LAMA4: variants seen among roughly 807,000 people sequenced by gnomAD.
The protein encoded by LAMA4 is laminin subunit alpha-4.
LAMA4 carries 127 observed loss-of-function variants against 207.1 expected under a neutral mutation model. The ratio of observed to expected loss-of-function variants is 0.61; its 90% CI spans 0.53 to 0.71. The LOEUF is 0.71. LAMA4 is among the 30% of genes least tolerant of loss of function. LAMA4 has a pLI of 0.00. For missense variants in LAMA4, 2,093 were observed against 2,246.5 expected, an observed-to-expected ratio of 0.93 and a Z score of 1.38; for synonymous variants, 761 against 816.0, an observed-to-expected ratio of 0.93 and a Z score of 1.15.
At chr6:112,140,510 A>C (rs1779627833) in intron 22 of LAMA4, among the ~76,000 whole-genome samples, 1 of 152,194 alleles carries the variant, frequency 6.6e-6, no homozygotes, top group Admixed American at 6.5e-5. Context: ...TTACATATGC[A>C]TGTATCAGAA....
intron 10 of LAMA4, among the ~76,000 whole-genome samples, chr6:112,177,301 C>A (rs1782081067): frequency 6.6e-6 from 1 of 152,188 alleles, no homozygotes; most frequent in South Asian, 2.1e-4. Flanking sequence ...AGTATAAAGA[C>A]ATGAATCTTC....
chr6:112,175,809 C>T (rs549361441), intron 10 of LAMA4, among the ~76,000 whole-genome samples: 5 of 152,292 alleles, frequency 3.3e-5, no homozygotes, highest in East Asian at 3.9e-4. Flanking sequence ...TAATATTTAG[C>T]GTTAAATATT....
chr6:112,145,630 G>A (rs893833156), intron 18 of LAMA4, among the ~76,000 whole-genome samples: 16 of 152,172 alleles, frequency 1.1e-4, no homozygotes, highest in Admixed American at 3.9e-4. Context: ...TCCCTCAAGT[G>A]TTCTTTCAGC....
At chr6:112,151,799 A>G (rs1780419368) in intron 16 of LAMA4, among the ~76,000 whole-genome samples, 1 of 152,042 alleles carries the variant, frequency 6.6e-6, no homozygotes, top group Non-Finnish European at 1.5e-5. Context: ...TATTTTTCAG[A>G]TTATGGAAGT....
intron 12 of LAMA4, among the ~76,000 whole-genome samples, chr6:112,169,075 T>G (rs570500286): frequency 1.3e-5 from 2 of 152,222 alleles, no homozygotes. Flanking sequence ...GGAATTTACC[T>G]TTCTTAAGTA....
At chr6:112,195,631 C>A (rs1414248605) in intron 5 of LAMA4, among the ~76,000 whole-genome samples, 1 of 152,086 alleles carries the variant, frequency 6.6e-6, no homozygotes, top group Non-Finnish European at 1.5e-5. Flanking sequence ...TTTGGATTTG[C>A]TTTAATTTGC....
At position 112,155,585 on chromosome 6, in the gene LAMA4, T is replaced by C. The variant is rs781848455; in HGVS notation, c.1939A>G (p.Thr647Ala). 3 of 1,614,076 alleles carry C rather than the reference T, an allele frequency of 1.9e-6. No individual in the cohort carries two copies. The highest frequency in any genetic ancestry group is 2.5e-6 in the Non-Finnish European group (3 of 1,180,018). ...CTCACATCATAAATTCGGTCAGTGG[T>C]GTTCAAAGCAAATTCTGCTGTTTCA... ...ANETAEFALNTTDRIYDAVSG... is the reference protein window; with the variant it reads ...ANETAEFALNATDRIYDAVSG... Residue 647 changes from threonine (T) to alanine (A), a missense_variant, in exon 15 of 39, where the codon ACC becomes GCC. Coordinates refer to ENST00000230538, the MANE Select transcript of LAMA4 (RefSeq NM_001105206.3).
chr6:112,129,475 T>G (rs1400596414), intron 30 of LAMA4, among the ~76,000 whole-genome samples: 1 of 152,202 alleles, frequency 6.6e-6, no homozygotes, highest in Non-Finnish European at 1.5e-5. Context: ...ATTAAGAGTT[T>G]TGTAAACCTC....
At chr6:112,120,252 C>T (rs376880858) in intron 33 of LAMA4, 31 bp downstream of exon 33, 3 of 1,575,024 alleles carry the variant, frequency 1.9e-6, no homozygotes, top group African/African-American at 2.7e-5. Context: ...TAGCTATTTG[C>T]TGGTAATGCT....
intron 2 of LAMA4, among the ~76,000 whole-genome samples, chr6:112,249,314 G>A (rs1408483178): frequency 6.6e-6 from 1 of 151,784 alleles, no homozygotes; most frequent in African/African-American, 2.4e-5. Context: ...GTTGTGGCAT[G>A]TGCCTGTAAT....
At chr6:112,147,464 C>T (rs1043966448) in intron 18 of LAMA4, among the ~76,000 whole-genome samples, 1 of 151,996 alleles carries the variant, frequency 6.6e-6, no homozygotes, top group Admixed American at 6.5e-5. Flanking sequence ...TATTGGAGAA[C>T]AAAAAGTTCT....
At chr6:112,174,596 G>T (rs781986886) in intron 11 of LAMA4, among the ~76,000 whole-genome samples, 3 of 152,168 alleles carry the variant, frequency 2.0e-5, no homozygotes, top group African/African-American at 7.2e-5. Flanking sequence ...AGGTTCAAGC[G>T]ATTCTCCTGC....
chr6:112,188,022 C>T (rs1256545889), intron 7 of LAMA4, among the ~76,000 whole-genome samples: 3 of 152,134 alleles, frequency 2.0e-5, no homozygotes, highest in Non-Finnish European at 4.4e-5. Context: ...GTCCCAGTTC[C>T]TCATCACTTC....
At chr6:112,190,873 TTCTTTCTTTC>T (rs782234718) in intron 6 of LAMA4, among the ~76,000 whole-genome samples, 3 of 36,054 alleles carry the variant, frequency 8.3e-5, no homozygotes, top group Non-Finnish European at 1.7e-4. Flanking sequence ...AGGTTTCTTT[TTCTTTCTTTC>T]TTTCTTTCTT....
At chr6:112,201,136 A>T (rs1297572142) in intron 5 of LAMA4, among the ~76,000 whole-genome samples, 1 of 152,182 alleles carries the variant, frequency 6.6e-6, no homozygotes, top group Non-Finnish European at 1.5e-5. Flanking sequence ...TTAGTATGGT[A>T]TAAAGCTGGT....
At chr6:112,202,484 T>A (rs1171454548) in intron 4 of LAMA4, among the ~76,000 whole-genome samples, 1 of 151,994 alleles carries the variant, frequency 6.6e-6, no homozygotes, top group Non-Finnish European at 1.5e-5. Context: ...TTTTAAGGAC[T>A]TTTAAATTAG....
intron 9 of LAMA4, among the ~76,000 whole-genome samples, chr6:112,180,814 A>G (rs993091224): frequency 3.9e-5 from 6 of 152,194 alleles, no homozygotes; most frequent in African/African-American, 1.2e-4. Flanking sequence ...GGACAAACCA[A>G]TAGTAGGAAT....
At chr6:112,220,639 A>G (rs1188353291) in intron 2 of LAMA4, among the ~76,000 whole-genome samples, 2 of 152,300 alleles carry the variant, frequency 1.3e-5, no homozygotes, top group South Asian at 2.1e-4. Flanking sequence ...AAGAGGACCA[A>G]GTGAATGACC....
At chr6:112,201,728 T>A in intron 4 of LAMA4, 40 bp from the exon 5 acceptor site, 1 of 1,515,340 alleles carries the variant, frequency 6.6e-7, no homozygotes, top group South Asian at 1.1e-5. Context: ...ATTCCATACA[T>A]CACCAAAGAG....
Sources: allele counts gnomAD v4.1 joint callset (sites outside exome capture counted in the v4.1 genomes callset), GRCh38; gene constraint gnomAD v4.1.1; transcripts MANE v1.5; gene names NCBI Gene and HGNC (gene_info 2026-07-23, HGNC 2026-07-21).